The following OR5A1 variants were observed in gnomAD, a reference collection of about 807,000 sequenced individuals.
OR5A1 encodes olfactory receptor 5A1.
A neutral mutation model predicts 6.7 loss-of-function variants in OR5A1; 6 were observed. That is an observed-to-expected ratio of 0.89 (90% CI 0.49 to 1.76). The LOEUF is 1.76. Among genes scored for constraint, OR5A1 ranks in the 40% most tolerant of loss-of-function variants. The pLI, the probability that OR5A1 is intolerant of heterozygous loss-of-function variation, is 0.01. For synonymous variants in OR5A1, 170 were observed against 155.0 expected, an observed-to-expected ratio of 1.10 and a Z score of -0.72; for missense variants, 378 against 381.7, an observed-to-expected ratio of 0.99 and a Z score of 0.08.
chr11:59,437,743 G>A (rs1395136739), intron 1 of OR5A1, among the ~76,000 whole-genome samples: 1 of 152,166 alleles, frequency 6.6e-6, no homozygotes, highest in Non-Finnish European at 1.5e-5. Flanking sequence ...CAAGTTTGTT[G>A]TCTGTCTCAG....
chr11:59,437,333 A>G (rs1180078048), intron 1 of OR5A1, among the ~76,000 whole-genome samples: 1 of 151,904 alleles, frequency 6.6e-6, no homozygotes, highest in Non-Finnish European at 1.5e-5. Flanking sequence ...CTCCCTGTTC[A>G]CCCTTCCCTC....
rs1858560308 is a variant in OR5A1, at chr11:59,447,199, C to G, written c.*3083C>G. 6.6e-6 allele frequency: 1 copy of G among 152,200 alleles called. No individual in the cohort carries two copies. The highest frequency in any genetic ancestry group is 2.4e-5 in the African/African-American group (1 of 41,446). 9.4% of individuals were successfully genotyped at this position (152,200 alleles called of 1,614,324 possible). A position where few individuals can be genotyped will look rare whatever the true frequency, so the allele number is the denominator to read the frequency against. ...TTGTGACATTTCCCCCAAGTGGGCCCCTGATTAGGTTGAAGTGGGGAGGTT... is the reference window on the plus strand; with the variant it reads ...TTGTGACATTTCCCCCAAGTGGGCCGCTGATTAGGTTGAAGTGGGGAGGTT... On this transcript the variant is annotated 3_prime_UTR_variant, in exon 2 of 2. Coordinates refer to ENST00000641045, the MANE Select transcript of OR5A1 (RefSeq NM_001004728.2).
rs1254480432 is a variant in OR5A1 at position 59,443,665 on chromosome 11, T to A, written c.497T>A (p.Ile166Lys). 1 of 1,614,166 alleles carries A rather than the reference T, an allele frequency of 6.2e-7. No homozygotes were observed. Reference sequence around the variant, plus strand: ...AGCTCCCTGATCCAGGCCAGCTCCATATTTAGGCTTCACTTTTGCGGACCC... The same window carrying A: ...AGCTCCCTGATCCAGGCCAGCTCCAAATTTAGGCTTCACTTTTGCGGACCC... ...FLSSLIQASS[I>K]FRLHFCGPNI... Residue 166 changes from isoleucine (I) to lysine (K), a missense_variant, in exon 2 of 2, where the codon ATA (isoleucine) becomes AAA (lysine). Coordinates refer to ENST00000641045, the MANE Select transcript of OR5A1 (RefSeq NM_001004728.2).
intron 1 of OR5A1, among the ~76,000 whole-genome samples, chr11:59,442,382 C>A (rs953449343): frequency 6.6e-6 from 1 of 151,952 alleles, no homozygotes; most frequent in Non-Finnish European, 1.5e-5. Context: ...GCGGAGGTTG[C>A]GGTGACCTGA....
At position 59,444,319 on chromosome 11, in the gene OR5A1, GAAAAAA is replaced by G; in HGVS notation, c.*218_*223del. On this transcript the variant is annotated 3_prime_UTR_variant, in exon 2 of 2. Transcript: ENST00000641045. ...GCCAAAAAGGGAAGGAATTTCTTCA[GAAAAAA>G]AAAAAAAAAAAAAAGAACCTCCCCA... The G allele has an allele frequency of 1.3e-5, 1 of 76,816 alleles. No individual in the cohort carries two copies. Among genetic ancestry groups the G allele is most frequent in the Non-Finnish European group, 2.4e-5 (1 of 41,218 alleles). 4.8% of individuals were successfully genotyped at this position (76,816 alleles called of 1,614,324 possible).
chr11:59,439,567 C>A (rs1424311867), intron 1 of OR5A1, among the ~76,000 whole-genome samples: 1 of 152,206 alleles, frequency 6.6e-6, no homozygotes, highest in African/African-American at 2.4e-5. Context: ...GCACTCCATA[C>A]AATCCTTAAG....
rs561449147 is a variant in OR5A1 at position 59,447,507 on chromosome 11, A to G, written c.*3391A>G. ...ATTAAGGGATACTTGCTTTACAGAA[A>G]TATCAGCAAATGAATCAAAAATTTA... On this transcript the variant is annotated 3_prime_UTR_variant, in exon 2 of 2. Transcript: ENST00000641045. 4.7e-4 allele frequency: 72 copies of G among 152,330 alleles called. No individual in the cohort carries two copies. Among genetic ancestry groups the G allele is most frequent in the African/African-American group, 1.6e-3 (66 of 41,572 alleles). The allele number at this position is 152,330 out of a possible 1,614,324, so 9.4% of individuals were successfully genotyped here.
At position 59,443,849 on chromosome 11, in the gene OR5A1, G is replaced by T. The variant is rs370559050; in HGVS notation, c.681G>T (p.Ala227=). The change falls in exon 2 of 2, where the codon GCG becomes GCT. Residue 227 remains alanine (A), a synonymous_variant. Transcript: ENST00000641045. ...TCTCCTATGGTTACATAGTGTCTGC[G>T]GTCCTGAAGATCCCTTCAGCAGAGG... ...LLISYGYIVS[A]VLKIPSAEGR... 1.9e-6 allele frequency: 3 copies of T among 1,614,016 alleles called. No homozygotes were observed. Among genetic ancestry groups the T allele is most frequent in the Middle Eastern group, 1.6e-4 (1 of 6,062 alleles).
rs569242535 is a variant in OR5A1, at chr11:59,449,688, A to C, written c.*5572A>C. ...ATTTGTATAATGCTTTGAAGTTTGCAGTATTCTCTCATATGCATTAAGCCA... is the reference window on the plus strand; with the variant it reads ...ATTTGTATAATGCTTTGAAGTTTGCCGTATTCTCTCATATGCATTAAGCCA... On this transcript the variant is annotated 3_prime_UTR_variant, in exon 2 of 2. Coordinates refer to ENST00000641045, the MANE Select transcript of OR5A1 (RefSeq NM_001004728.2). 4.6e-5 allele frequency: 7 copies of C among 152,330 alleles called. No individual in the cohort carries two copies. The highest frequency in any genetic ancestry group is 1.0e-4 in the Non-Finnish European group (7 of 68,028). 9.4% of individuals were successfully genotyped at this position (152,330 alleles called of 1,614,324 possible). A position where few individuals can be genotyped will look rare whatever the true frequency, so the allele number is the denominator to read the frequency against.
chr11:59,443,792 T>C lies in OR5A1; in HGVS notation c.624T>C (p.Thr208=), dbSNP rs7941591. 1,069,773 of 1,613,512 alleles carry C rather than the reference T, an allele frequency of 0.66. 357,451 individuals are homozygous for C. The highest frequency in any genetic ancestry group is 0.74 in the South Asian group (67,763 of 91,048). Reference sequence around the variant, plus strand: ...TGGTGAATTTCCTCGTGGTGGTCACTGTCGGAGGAACATCGTTCCTCCAAC... The same window carrying C: ...TGGTGAATTTCCTCGTGGTGGTCACCGTCGGAGGAACATCGTTCCTCCAAC... ...SQVVNFLVVV[T]VGGTSFLQLL... The change falls in exon 2 of 2, where the codon ACT becomes ACC. Residue 208 remains threonine (T), a synonymous_variant. Transcript: ENST00000641045.
rs573748381 is a variant in OR5A1, at chr11:59,445,037, T to C, written c.*921T>C. ...ATTTTATTTTAAGTTCCGGGATACA[T>C]ATGCAGGATGTGCAGGTTTGTTACA... On this transcript the variant is annotated 3_prime_UTR_variant, in exon 2 of 2. Transcript: ENST00000641045. The C allele has an allele frequency of 1.4e-3, 209 of 152,274 alleles. 1 individual carries two copies. The highest frequency in any genetic ancestry group is 4.9e-3 in the African/African-American group (204 of 41,546). 9.4% of individuals were successfully genotyped at this position (152,274 alleles called of 1,614,324 possible).
rs1024150874 is a variant in OR5A1, at chr11:59,448,987, T to C, written c.*4871T>C. On this transcript the variant is annotated 3_prime_UTR_variant, in exon 2 of 2. Transcript: ENST00000641045. The stretch of plus-strand genomic sequence containing the variant: ...CCTTTGGAGATTCCTCAGACTTCCC[T>C]GTACACAGTTTCATCACCTCCTTAT... 6.6e-6 allele frequency: 1 copy of C among 152,144 alleles called. No homozygotes were observed. The highest frequency in any genetic ancestry group is 6.5e-5 in the Admixed American group (1 of 15,274). 9.4% of individuals were successfully genotyped at this position (152,144 alleles called of 1,614,324 possible). A position where few individuals can be genotyped will look rare whatever the true frequency, so the allele number is the denominator to read the frequency against.
rs148661794 is a variant in OR5A1 at position 59,439,410 on chromosome 11, GACCTGGTGTTGATTAT to G, written c.-34+2593_-34+2608del. On this transcript the variant is annotated intron_variant, in intron 1 of 1. Coordinates refer to ENST00000641045, the MANE Select transcript of OR5A1 (RefSeq NM_001004728.2). The stretch of plus-strand genomic sequence containing the variant: ...TCTTCCTCTTCAGCTCTGTAAAATA[GACCTGGTGTTGATTAT>G]ACCTGGTGTTGATTATATCATAGAA... Among the ~76,000 whole-genome samples the G allele has an allele frequency of 3.0e-4, 45 of 152,264 alleles. 1 individual carries two copies. The highest frequency in any genetic ancestry group is 9.1e-4 in the African/African-American group (38 of 41,552).
rs1858541410 is a variant in OR5A1 at position 59,445,787 on chromosome 11, T to G, written c.*1671T>G. 6.6e-6 allele frequency: 1 copy of G among 152,218 alleles called. No individual in the cohort carries two copies. The highest frequency in any genetic ancestry group is 6.5e-5 in the Admixed American group (1 of 15,290). The allele number at this position is 152,218 out of a possible 1,614,324, so 9.4% of individuals were successfully genotyped here. ...TGATGTTGAGCTTTTTTTCATATGT[T>G]TGTTGGCCATACAAATGTCTTCTTT... is the stretch of plus-strand genomic sequence containing the variant. On this transcript the variant is annotated 3_prime_UTR_variant, in exon 2 of 2. Transcript: ENST00000641045.
At chr11:59,442,226 C>G (rs569875839) in intron 1 of OR5A1, among the ~76,000 whole-genome samples, 1 of 152,158 alleles carries the variant, frequency 6.6e-6, no homozygotes, top group South Asian at 2.1e-4. Context: ...GCGGGCGGAT[C>G]GCCCAAGGTC....
chr11:59,438,301 C>G (rs935388915), intron 1 of OR5A1, among the ~76,000 whole-genome samples: 5 of 152,160 alleles, frequency 3.3e-5, no homozygotes, highest in Non-Finnish European at 1.5e-5. Flanking sequence ...GACACATGTT[C>G]TCTTCAACTG....
In OR5A1 at chr11:59,443,801, A is replaced by T; in HGVS notation, c.633A>T (p.Gly211=). The part of the protein sequence containing the change: ...VNFLVVVTVG[G]TSFLQLLISY... ...TCCTCGTGGTGGTCACTGTCGGAGG[A>T]ACATCGTTCCTCCAACTCCTTATCT... The change falls in exon 2 of 2, where the codon GGA becomes GGT. Residue 211 remains glycine (G), a synonymous_variant. Transcript: ENST00000641045. 1 of 1,614,058 alleles carries T rather than the reference A, an allele frequency of 6.2e-7. No individual in the cohort carries two copies. Among genetic ancestry groups the T allele is most frequent in the Admixed American group, 1.7e-5 (1 of 60,020 alleles).
rs1290041226 is a variant in OR5A1 at position 59,451,189 on chromosome 11, A to G, written c.*7073A>G. The G allele has an allele frequency of 6.6e-6, 1 of 152,190 alleles. No homozygotes were observed. Among genetic ancestry groups the G allele is most frequent in the Non-Finnish European group, 1.5e-5 (1 of 68,036 alleles). 9.4% of individuals were successfully genotyped at this position (152,190 alleles called of 1,614,324 possible). A position where few individuals can be genotyped will look rare whatever the true frequency, so the allele number is the denominator to read the frequency against. ...TTTTCAACATTGGTTAATCTTCTAG[A>G]TGAGAAATGATACCTCATTGTAATT... On this transcript the variant is annotated 3_prime_UTR_variant, in exon 2 of 2. Coordinates refer to ENST00000641045, the MANE Select transcript of OR5A1 (RefSeq NM_001004728.2).
chr11:59,437,431 C>T (rs1026317), intron 1 of OR5A1, among the ~76,000 whole-genome samples: 139,487 of 152,228 alleles, frequency 0.92, 64,635 homozygotes, highest in Non-Finnish European at 0.99. Context: ...TCATACCCTA[C>T]GTAGCCTTTC....
Sources: gnomAD v4.1 joint callset for allele counts (sites outside exome capture counted in the v4.1 genomes callset) on GRCh38, gnomAD v4.1.1 for gene constraint, MANE v1.5 for transcripts, NCBI Gene and HGNC (gene_info 2026-07-23, HGNC 2026-07-21) for gene names.